FNDC3B: variants seen among roughly 807,000 people sequenced by gnomAD.
FNDC3B encodes fibronectin type III domain containing 3B.
FNDC3B carries 12 observed loss-of-function variants against 151.5 expected under a neutral mutation model. That is an observed-to-expected ratio of 0.08 (90% CI 0.05 to 0.13). The LOEUF (loss-of-function observed/expected upper bound fraction) is 0.13. Among genes scored for constraint, FNDC3B ranks in the 10% least tolerant of loss-of-function variants. FNDC3B has a pLI of 1.00. For synonymous variants in FNDC3B, 528 were observed against 549.0 expected, an observed-to-expected ratio of 0.96 and a Z score of 0.54; for missense variants, 1,214 against 1,505.3, an observed-to-expected ratio of 0.81 and a Z score of 3.20.
intron 3 of FNDC3B, among the ~76,000 whole-genome samples, chr3:172,151,198 G>GAC (rs1182716016): frequency 1.3e-5 from 2 of 152,142 alleles, no homozygotes; most frequent in East Asian, 3.8e-4. Flanking sequence ...TACTCATACA[G>GAC]ACACACACAC....
intron 2 of FNDC3B, among the ~76,000 whole-genome samples, chr3:172,121,562 A>G (rs958057720): frequency 1.3e-5 from 2 of 152,240 alleles, no homozygotes; most frequent in Non-Finnish European, 2.9e-5. Flanking sequence ...TTAAACACAG[A>G]TGCAAGGTAA....
chr3:172,273,186 G>A (rs1055910219), intron 6 of FNDC3B, among the ~76,000 whole-genome samples: 7 of 152,046 alleles, frequency 4.6e-5, no homozygotes, highest in African/African-American at 1.7e-4. Context: ...ACAATAAGTA[G>A]GAAATGGTTT....
intron 17 of FNDC3B, among the ~76,000 whole-genome samples, chr3:172,342,727 T>C (rs950668327): frequency 6.6e-6 from 1 of 152,244 alleles, no homozygotes; most frequent in African/African-American, 2.4e-5. Flanking sequence ...AAGAATTGTG[T>C]GCTTAGGATA....
chr3:172,061,370 T>C (rs1300704760), intron 1 of FNDC3B, among the ~76,000 whole-genome samples: 1 of 152,102 alleles, frequency 6.6e-6, no homozygotes, highest in East Asian at 1.9e-4. Flanking sequence ...GTAGCTGGGA[T>C]TACAGGTGCC....
chr3:172,302,619 C>CCCCT (rs1201846000), intron 9 of FNDC3B: 2 of 152,148 alleles, frequency 1.3e-5, no homozygotes, highest in African/African-American at 4.8e-5. Context: ...GAAGATAATA[C>CCCCT]CCCTCTATGA....
At chr3:172,117,577 G>A (rs959524343) in intron 2 of FNDC3B, among the ~76,000 whole-genome samples, 1 of 152,156 alleles carries the variant, frequency 6.6e-6, no homozygotes, top group African/African-American at 2.4e-5. Flanking sequence ...TCGACATAGG[G>A]TGGCAGAGTT....
intron 3 of FNDC3B, among the ~76,000 whole-genome samples, chr3:172,222,641 G>C (rs1257754847): frequency 6.6e-6 from 1 of 152,132 alleles, no homozygotes; most frequent in Admixed American, 6.5e-5. Context: ...ACACAGCCTA[G>C]ATCCCTCTTC....
intron 6 of FNDC3B, among the ~76,000 whole-genome samples, chr3:172,276,906 G>A (rs892476980): frequency 4.6e-5 from 7 of 152,148 alleles, no homozygotes; most frequent in African/African-American, 7.2e-5. Flanking sequence ...CTTGGTCCTC[G>A]ATTGGATCCT....
At chr3:172,196,533 C>T (rs543552928) in intron 3 of FNDC3B, among the ~76,000 whole-genome samples, 3 of 152,174 alleles carry the variant, frequency 2.0e-5, no homozygotes, top group South Asian at 2.1e-4. Flanking sequence ...GTTGGACATT[C>T]TAAGTTTTAG....
At chr3:172,368,872 A>G (rs1560103160) in intron 23 of FNDC3B, among the ~76,000 whole-genome samples, 1 of 152,140 alleles carries the variant, frequency 6.6e-6, no homozygotes, top group South Asian at 2.1e-4. Context: ...TTAGCCTGGC[A>G]TGGTGGCAGA....
intron 3 of FNDC3B, among the ~76,000 whole-genome samples, chr3:172,205,474 T>C (rs1447715050): frequency 1.3e-5 from 2 of 152,248 alleles, no homozygotes; most frequent in Non-Finnish European, 2.9e-5. Context: ...TTCTTCATTT[T>C]ACAGGTGAGG....
At chr3:172,253,598 G>A (rs1307792870) in intron 6 of FNDC3B, among the ~76,000 whole-genome samples, 1 of 152,142 alleles carries the variant, frequency 6.6e-6, no homozygotes, top group Non-Finnish European at 1.5e-5. Flanking sequence ...AGTGCCACCT[G>A]ATTAATCTAA....
intron 6 of FNDC3B, among the ~76,000 whole-genome samples, chr3:172,261,601 G>A (rs1328306717): frequency 1.3e-5 from 2 of 152,186 alleles, no homozygotes; most frequent in East Asian, 3.9e-4. Flanking sequence ...TGGTGCTGTA[G>A]TGAGACTTTG....
chr3:172,216,519 C>G (rs959423576), intron 3 of FNDC3B, among the ~76,000 whole-genome samples: 1 of 151,946 alleles, frequency 6.6e-6, no homozygotes, highest in Non-Finnish European at 1.5e-5. Flanking sequence ...AATACAAAAA[C>G]CAGCTGCACA....
At chr3:172,253,800 G>T (rs1728200330) in intron 6 of FNDC3B, among the ~76,000 whole-genome samples, 2 of 150,476 alleles carry the variant, frequency 1.3e-5, no homozygotes. Flanking sequence ...TTTTTTTTGA[G>T]ATGGAGTCTT....
In FNDC3B at chr3:172,330,597, C is replaced by T. The variant is rs755814669; in HGVS notation, c.1436C>T (p.Ser479Phe). The change falls in exon 13 of 26, where the codon TCT (serine) becomes TTT (phenylalanine). Residue 479 changes from serine to phenylalanine, a missense_variant. Ser to Phe is a radical substitution (Grantham distance 155, BLOSUM62 -2). Around this residue, in one of 7 missense-constraint regions of FNDC3B, gnomAD observed 111 missense variants for 96.8 expected, o/e 1.15. Coordinates refer to ENST00000415807, the MANE Select transcript of FNDC3B (RefSeq NM_022763.4). Reference sequence around the variant, plus strand: ...TTAGGAAATATCCCTCAGATGCCTTCTGCACCAAGGCTGGTTCGAGCTGGC... The same window carrying T: ...TTAGGAAATATCCCTCAGATGCCTTTTGCACCAAGGCTGGTTCGAGCTGGC... ...YTLGNIPQMP[S>F]APRLVRAGIT... is the part of the protein sequence containing the mutation. 1 of 1,614,126 alleles carries T rather than the reference C, an allele frequency of 6.2e-7. No individual in the cohort carries two copies.
intron 2 of FNDC3B, among the ~76,000 whole-genome samples, chr3:172,131,365 C>T (rs1721091938): frequency 6.6e-6 from 1 of 151,492 alleles, no homozygotes; most frequent in Admixed American, 6.6e-5. Context: ...TGCACTCCAT[C>T]CTGGGCAACA....
chr3:172,260,679 T>C (rs1166352092), intron 6 of FNDC3B, among the ~76,000 whole-genome samples: 1 of 152,160 alleles, frequency 6.6e-6, no homozygotes, highest in African/African-American at 2.4e-5. Flanking sequence ...TAATAGTGAA[T>C]GCCAAGGACT....
At chr3:172,126,025 A>G (rs1720793615) in intron 2 of FNDC3B, among the ~76,000 whole-genome samples, 1 of 152,188 alleles carries the variant, frequency 6.6e-6, no homozygotes, top group Non-Finnish European at 1.5e-5. Context: ...TTCAGGGTGC[A>G]GAATATCGTT....
Sources: allele counts gnomAD v4.1 joint callset (sites outside exome capture counted in the v4.1 genomes callset), GRCh38; gene constraint gnomAD v4.1.1; regional missense constraint gnomAD v4.1.1; transcripts MANE v1.5; gene names NCBI Gene and HGNC (gene_info 2026-07-23, HGNC 2026-07-21).